Variants in ADHFE1 observed in about 807,000 individuals in gnomAD.
ADHFE1 encodes the protein alcohol dehydrogenase iron containing 1, also known as hydroxyacid-oxoacid transhydrogenase, mitochondrial.
A neutral mutation model predicts 54.8 loss-of-function variants in ADHFE1; 37 were observed. The observed-to-expected ratio is 0.68, with a 90% CI of 0.52 to 0.89. ADHFE1 has a LOEUF of 0.89. Ranked by LOEUF, ADHFE1 falls within the 40% of genes least tolerant of loss-of-function variation. The pLI, the probability that ADHFE1 is intolerant of heterozygous loss-of-function variation, is 0.00. For synonymous variants in ADHFE1, 203 were observed against 229.3 expected (o/e 0.89, Z 1.04); for missense variants, 601 against 591.2 (o/e 1.02, Z -0.17).
intron 12 of ADHFE1, chr8:66,459,617 C>T (rs1357054723): frequency 6.6e-6 from 1 of 151,830 alleles, no homozygotes; most frequent in Admixed American, 6.6e-5. Context: ...TTCATCAATA[C>T]CATTATTATC....
Position 66,444,412 on chromosome 8 carries a change from G to T in ADHFE1, c.190G>T (p.Val64Leu), listed in dbSNP as rs754620957. 6.2e-7 allele frequency: 1 copy of T among 1,613,994 alleles called. No homozygotes were observed. Among genetic ancestry groups the T allele is most frequent in the Non-Finnish European group, 8.5e-7 (1 of 1,179,996 alleles). ...ATATGGAGCAGCAGTTACAAAGGAA[G>T]TAGGAATGGCAAGTATTCGAGATGT... ...IRYGAAVTKEVGMDLKNMGAK... is the reference protein window; with the variant it reads ...IRYGAAVTKELGMDLKNMGAK... The change falls in exon 4 of 14, where the codon GTA (valine) becomes TTA (leucine). Residue 64 changes from valine (V) to leucine (L), a missense_variant. Coordinates refer to ENST00000396623, the MANE Select transcript of ADHFE1 (RefSeq NM_144650.3).
chr8:66,445,122 A>C (rs1805962108), intron 5 of ADHFE1, 96 bp from the exon 6 acceptor site: 2 of 1,251,598 alleles, frequency 1.6e-6, no homozygotes, highest in African/African-American at 3.0e-5. Flanking sequence ...AAAAACAAAA[A>C]AAACCCCACA....
rs1215959501 is a variant in ADHFE1 at position 66,448,944 on chromosome 8, C to A, written c.708C>A (p.Val236=). ...CCCTCCACATGCCTGCCCGAGTGGT[C>A]GCCAACAGTGGCTTTGATGTGCTTT... ...LHTLHMPARV[V]ANSGFDVLCH... is the part of the protein sequence containing the mutation. The change falls in exon 8 of 14, where the codon GTC becomes GTA. Residue 236 remains valine (V), a synonymous_variant. Transcript: ENST00000396623. 2 of 1,614,030 alleles carry A rather than the reference C, an allele frequency of 1.2e-6. No homozygotes were observed. Among genetic ancestry groups the A allele is most frequent in the East Asian group, 4.5e-5 (2 of 44,880 alleles).
intron 8 of ADHFE1, among the ~76,000 whole-genome samples, chr8:66,449,524 A>C (rs1806194628): frequency 6.6e-6 from 1 of 152,176 alleles, no homozygotes; most frequent in African/African-American, 2.4e-5. Context: ...TGTTTTATTG[A>C]ACAAGAAAAC....
chr8:66,452,642 A>G (rs1464700625), intron 9 of ADHFE1, among the ~76,000 whole-genome samples: 1 of 152,228 alleles, frequency 6.6e-6, no homozygotes, highest in Non-Finnish European at 1.5e-5. Context: ...TGACAGAGCA[A>G]GACCCTGTCT....
intron 2 of ADHFE1, among the ~76,000 whole-genome samples, chr8:66,440,724 C>T (rs758470597): frequency 6.6e-6 from 1 of 152,192 alleles, no homozygotes; most frequent in Non-Finnish European, 1.5e-5. Flanking sequence ...TTACCAAACA[C>T]CAAACACTGT....
chr8:66,440,888 C>A (rs1189791171), intron 2 of ADHFE1, among the ~76,000 whole-genome samples: 1 of 152,144 alleles, frequency 6.6e-6, no homozygotes. Flanking sequence ...CATCCAGGAT[C>A]CTAAGCAGAA....
intron 3 of ADHFE1, among the ~76,000 whole-genome samples, 173 bp from the exon 4 acceptor site, chr8:66,444,194 G>C (rs896150682): frequency 6.6e-6 from 1 of 152,210 alleles, no homozygotes; most frequent in African/African-American, 2.4e-5. Flanking sequence ...GCTTAAGGAA[G>C]TGTGGTGCGT....
intron 13 of ADHFE1, among the ~76,000 whole-genome samples, chr8:66,462,348 C>G (rs1806944895): frequency 6.6e-6 from 1 of 152,176 alleles, no homozygotes; most frequent in Non-Finnish European, 1.5e-5. Context: ...CTCCCAGGCT[C>G]AAGTGATCCT....
At chr8:66,443,509 C>T (rs1805874236) in intron 3 of ADHFE1, among the ~76,000 whole-genome samples, 1 of 152,082 alleles carries the variant, frequency 6.6e-6, no homozygotes, top group African/African-American at 2.4e-5. Flanking sequence ...AACTCCTGAC[C>T]TCAGGTGATC....
chr8:66,444,826 C>T lies in ADHFE1; in HGVS notation c.353+78C>T, dbSNP rs1415151028. ...TGATTAAAACTTGCCCCCAACCAGGCGTGGTGGCTCACGCCTGTAATCCCA... is the reference window on the plus strand; with the variant it reads ...TGATTAAAACTTGCCCCCAACCAGGTGTGGTGGCTCACGCCTGTAATCCCA... On this transcript the variant is annotated intron_variant, in intron 5 of 13. Transcript: ENST00000396623. The T allele has an allele frequency of 9.0e-6, 14 of 1,555,266 alleles. No individual in the cohort carries two copies. The African/African-American group carries it at 1.2e-4, about 14-fold the overall frequency.
chr8:66,455,105 C>G (rs779470227), intron 10 of ADHFE1, among the ~76,000 whole-genome samples: 7 of 152,262 alleles, frequency 4.6e-5, no homozygotes, highest in Non-Finnish European at 1.0e-4. Flanking sequence ...TAGCTTTTTT[C>G]TTCTCTATGG....
intron 5 of ADHFE1, 81 bp from the exon 6 acceptor site, chr8:66,445,137 T>C: frequency 7.4e-7 from 1 of 1,347,064 alleles, no homozygotes; most frequent in Non-Finnish European, 1.0e-6. Context: ...CCCACAAAAC[T>C]TACCCCAAGC....
At chr8:66,440,339 A>G (rs1805684759) in intron 2 of ADHFE1, 140 bp downstream of exon 2, 5 of 761,218 alleles carry the variant, frequency 6.6e-6, no homozygotes, top group Non-Finnish European at 1.1e-5. Flanking sequence ...TCACTGTGAA[A>G]TTGATAACAC....
intron 13 of ADHFE1, among the ~76,000 whole-genome samples, chr8:66,460,762 C>A (rs937570476): frequency 1.2e-4 from 18 of 152,186 alleles, no homozygotes; most frequent in African/African-American, 4.3e-4. Context: ...TGAACTATGG[C>A]AAAATTTCCC....
chr8:66,468,744 T>A lies in ADHFE1; in HGVS notation c.*392T>A, dbSNP rs1324250554. ...TATCTGATAGAAACACTAGCACCAGTACATACAGAAGCATGGCAAGGATGT... is the reference window on the plus strand; with the variant it reads ...TATCTGATAGAAACACTAGCACCAGAACATACAGAAGCATGGCAAGGATGT... On this transcript the variant is annotated 3_prime_UTR_variant, in exon 14 of 14. Transcript: ENST00000396623. 1 of 156,286 alleles carries A rather than the reference T, an allele frequency of 6.4e-6. No homozygotes were observed. The highest frequency in any genetic ancestry group is 1.4e-5 in the Non-Finnish European group (1 of 70,892). 9.7% of individuals were successfully genotyped at this position (156,286 alleles called of 1,614,324 possible).
intron 1 of ADHFE1, among the ~76,000 whole-genome samples, chr8:66,435,738 A>C (rs1427492453): frequency 1.4e-5 from 2 of 148,122 alleles, no homozygotes; most frequent in African/African-American, 5.0e-5. Flanking sequence ...TTAGCGTCCC[A>C]AGTAGCTGGG....
In ADHFE1 at chr8:66,453,976, A is replaced by G. The variant is rs915374651; in HGVS notation, c.888-83A>G. 31 of 1,555,146 alleles carry G rather than the reference A, an allele frequency of 2.0e-5. No individual in the cohort carries two copies. The African/African-American group carries it at 2.1e-4, about 10-fold the overall frequency. On this transcript the variant is annotated intron_variant, in intron 9 of 13. Coordinates refer to ENST00000396623, the MANE Select transcript of ADHFE1 (RefSeq NM_144650.3). ...GAGTAGCATTTCTTTTTTTTTCACCATATCTTTCCCTAAGGCAGCTCCTTA... is the reference window on the plus strand; with the variant it reads ...GAGTAGCATTTCTTTTTTTTTCACCGTATCTTTCCCTAAGGCAGCTCCTTA...
At chr8:66,461,408 C>T (rs1806892201) in intron 13 of ADHFE1, among the ~76,000 whole-genome samples, 2 of 152,270 alleles carry the variant, frequency 1.3e-5, no homozygotes, top group South Asian at 4.1e-4. Context: ...GCCACAAGTG[C>T]TGGTGCTTTT....
Sources: allele counts gnomAD v4.1 joint callset (sites outside exome capture counted in the v4.1 genomes callset), GRCh38; gene constraint gnomAD v4.1.1; transcripts MANE v1.5; gene names NCBI Gene and HGNC (gene_info 2026-07-23, HGNC 2026-07-21).